Variants in CCNJL observed in about 807,000 individuals in gnomAD.
CCNJL encodes the protein cyclin-J-like protein.
Under a neutral mutation model 33.4 loss-of-function variants are expected in CCNJL, and 33 were observed. The ratio of observed to expected loss-of-function variants is 0.99; its 90% confidence interval spans 0.75 to 1.32. CCNJL has a LOEUF of 1.32. Among genes scored for constraint, CCNJL ranks in the 40% most tolerant of loss-of-function variants. The probability of loss-of-function intolerance (pLI) is 0.00; values close to 1 mark genes in which losing one functional copy is unlikely to be tolerated. For missense variants in CCNJL, 512 were observed against 499.7 expected, an observed-to-expected ratio of 1.02 and a Z score of -0.23; for synonymous variants, 227 against 220.9, an observed-to-expected ratio of 1.03 and a Z score of -0.24.
chr5:160,279,313 G>C (rs888004629), intron 3 of CCNJL, among the ~76,000 whole-genome samples: 1 of 152,186 alleles, frequency 6.6e-6, no homozygotes, highest in Non-Finnish European at 1.5e-5. Context: ...TAAAATACCA[G>C]ATGTCAAAGA....
chr5:160,275,679 C>A (rs970176229), intron 3 of CCNJL, among the ~76,000 whole-genome samples: 1 of 152,164 alleles, frequency 6.6e-6, no homozygotes, highest in Non-Finnish European at 1.5e-5. Flanking sequence ...AAAGTAAAAA[C>A]GTATCTCACA....
chr5:160,253,929 T>G, intron 5 of CCNJL, 131 bp from the exon 6 acceptor site: 1 of 630,162 alleles, frequency 1.6e-6, no homozygotes, highest in Non-Finnish European at 2.6e-6. Flanking sequence ...CTTACCTGGC[T>G]GTGCTCACTG....
At chr5:160,257,758 G>A (rs931421665) in intron 4 of CCNJL, among the ~76,000 whole-genome samples, 1 of 152,082 alleles carries the variant, frequency 6.6e-6, no homozygotes. Context: ...GTTGCTGTGA[G>A]GTTCAAATGA....
chr5:160,294,175 C>T (rs1389182811), intron 2 of CCNJL, among the ~76,000 whole-genome samples: 2 of 152,212 alleles, frequency 1.3e-5, no homozygotes, highest in East Asian at 3.8e-4. Flanking sequence ...ACAGCACGAC[C>T]TGGGAGGCCC....
At chr5:160,314,169 CAACA>C (rs781318200), upstream of CCNJL, among the ~76,000 whole-genome samples, 9 of 152,212 alleles carry the variant, frequency 5.9e-5, no homozygotes, top group Admixed American at 3.9e-4. Context: ...AACTCCGTCT[CAACA>C]AACAAACGAA....
intron 3 of CCNJL, among the ~76,000 whole-genome samples, chr5:160,273,578 GGGTCAATCCATATGGGACACACAGCT>G (rs1761910447): frequency 2.6e-5 from 4 of 151,942 alleles, no homozygotes; most frequent in Non-Finnish European, 4.4e-5. Flanking sequence ...ATATGGGTAT[GGGTCAATCCATATGGGACACACAGCT>G]CTGTGCGTGT....
intron 2 of CCNJL, among the ~76,000 whole-genome samples, chr5:160,305,788 C>T (rs1253383401): frequency 6.6e-6 from 1 of 152,154 alleles, no homozygotes; most frequent in Non-Finnish European, 1.5e-5. Flanking sequence ...AATCCTAACA[C>T]TAGGGCCAAA....
chr5:160,280,470 C>CTT (rs1762167883), intron 3 of CCNJL, 55 bp downstream of exon 3: 1 of 1,368,686 alleles, frequency 7.3e-7, no homozygotes, highest in Admixed American at 1.7e-5. Flanking sequence ...CAGCCAGGCG[C>CTT]ACTGAGCGGG....
chr5:160,274,022 T>C (rs1319247784), intron 3 of CCNJL, among the ~76,000 whole-genome samples: 2 of 152,080 alleles, frequency 1.3e-5, no homozygotes, highest in East Asian at 1.9e-4. Context: ...TGTTTGTATA[T>C]CCATGGAACA....
At position 160,280,547 on chromosome 5, in the gene CCNJL, G is replaced by A. The variant is rs372269963; in HGVS notation, c.258C>T (p.Ala86=). The change falls in exon 3 of 6, where the codon GCC becomes GCT. Residue 86 remains alanine, a synonymous_variant. Transcript: ENST00000257536. ...TACTTGCAAGCAGGAGGCAGGAGAC[G>A]GCCACGGTGTAGAGCTGCTTGGAGG... ...VTTSKQLYTV[A]VSCLLLASKF... 2.7e-5 allele frequency: 43 copies of A among 1,612,976 alleles called. No individual in the cohort carries two copies. The highest frequency in any genetic ancestry group is 1.7e-4 in the Admixed American group (10 of 60,028).
At chr5:160,290,159 T>C (rs896446175) in intron 2 of CCNJL, among the ~76,000 whole-genome samples, 1 of 152,238 alleles carries the variant, frequency 6.6e-6, no homozygotes, top group African/African-American at 2.4e-5. Context: ...TAACTTTTAG[T>C]GTCCTGCACT....
intron 2 of CCNJL, among the ~76,000 whole-genome samples, chr5:160,298,680 C>T (rs953168138): frequency 2.0e-5 from 3 of 150,320 alleles, no homozygotes; most frequent in African/African-American, 5.0e-5. Flanking sequence ...GAGTCAGGGA[C>T]GGCTTCTCTG....
intron 2 of CCNJL, among the ~76,000 whole-genome samples, chr5:160,296,668 T>G (rs536924941): frequency 6.6e-6 from 1 of 152,174 alleles, no homozygotes; most frequent in Non-Finnish European, 1.5e-5. Flanking sequence ...TCTAAGCCAG[T>G]GTTCCTGGTG....
At chr5:160,260,761 T>C (rs760820351) in intron 3 of CCNJL, among the ~76,000 whole-genome samples, 5 of 152,136 alleles carry the variant, frequency 3.3e-5, no homozygotes, top group South Asian at 2.1e-4. Context: ...TAAGCCTTCA[T>C]TGACACAGCC....
Position 160,253,559 on chromosome 5 carries a change from G to A in CCNJL, c.983C>T (p.Ser328Leu), listed in dbSNP as rs939603948. 13 of 1,614,200 alleles carry A rather than the reference G, an allele frequency of 8.1e-6. No individual in the cohort carries two copies. Among genetic ancestry groups the A allele is most frequent in the Non-Finnish European group, 1.1e-5 (13 of 1,180,026 alleles). ...SGSLLSGSTG[S>L]SLHTPYQPLQ... ...CGGTTGGTACGGGGTGTGGAGGGATGAGCCTGTACTCCCCGAGAGCAGGCT... is the reference window on the plus strand; with the variant it reads ...CGGTTGGTACGGGGTGTGGAGGGATAAGCCTGTACTCCCCGAGAGCAGGCT... Residue 328 changes from serine to leucine, a missense_variant, in exon 6 of 6, where the codon TCA becomes TTA. Coordinates refer to ENST00000257536, the MANE Select transcript of CCNJL (RefSeq NM_001308173.3).
intron 1 of CCNJL, among the ~76,000 whole-genome samples, chr5:160,329,611 A>T (rs1334677024): frequency 2.0e-5 from 3 of 152,158 alleles, no homozygotes; most frequent in Non-Finnish European, 4.4e-5. Flanking sequence ...GGCCTCCCAA[A>T]GTGCTGGGAT....
rs1580985747 is a variant in CCNJL at position 160,285,134 on chromosome 5, G to C, written c.67-4396C>G. 2.0e-5 allele frequency among the ~76,000 whole-genome samples: 3 copies of C among 152,110 alleles called. No individual in the cohort carries two copies. The East Asian group carries it at 5.8e-4, about 29-fold the overall frequency. ...GAACCTGGTAGGTGGAGGTTGCAGT[G>C]AGCTGAGATCGCACCACTGCACTCT... On this transcript the variant is annotated intron_variant, in intron 2 of 5. Coordinates refer to ENST00000257536, the MANE Select transcript of CCNJL (RefSeq NM_001308173.3).
At chr5:160,269,245 CT>C (rs948450382) in intron 3 of CCNJL, among the ~76,000 whole-genome samples, 1 of 152,204 alleles carries the variant, frequency 6.6e-6, no homozygotes, top group African/African-American at 2.4e-5. Context: ...CAGGCAACCC[CT>C]GGTTCCTTTG....
chr5:160,267,223 G>A (rs1164730713), intron 3 of CCNJL, among the ~76,000 whole-genome samples: 1 of 152,176 alleles, frequency 6.6e-6, no homozygotes, highest in Non-Finnish European at 1.5e-5. Flanking sequence ...GCAGGGTTGG[G>A]TGGGCTAGGG....
Sources: allele counts gnomAD v4.1 joint callset (sites outside exome capture counted in the v4.1 genomes callset), GRCh38; gene constraint gnomAD v4.1.1; transcripts MANE v1.5; gene names NCBI Gene and HGNC (gene_info 2026-07-23, HGNC 2026-07-21).